Variants in PCDH7 observed in about 807,000 individuals in gnomAD.
PCDH7 encodes protocadherin-7.
A neutral mutation model predicts 58.9 loss-of-function variants in PCDH7; 17 were observed. That is an observed-to-expected ratio of 0.29 (90% CI 0.20 to 0.43). The LOEUF is 0.43. Among genes scored for constraint, PCDH7 ranks in the 20% least tolerant of loss-of-function variants. The pLI, the probability that PCDH7 is intolerant of heterozygous loss-of-function variation, is 1.00. For missense variants in PCDH7, 1,274 were observed against 1,441.0 expected, an observed-to-expected ratio of 0.88 and a Z score of 1.88; for synonymous variants, 664 against 616.4, an observed-to-expected ratio of 1.08 and a Z score of -1.14.
intron 3 of PCDH7, among the ~76,000 whole-genome samples, chr4:31,108,369 T>TAAAAAAAAAAAAAAAAAAAAA (rs71190491): frequency 2.5e-4 from 15 of 60,070 alleles, no homozygotes; most frequent in East Asian, 5.1e-4. Flanking sequence ...CAGCATACAG[T>TAAAAAAAAAAAAAAAAAAAAA]AAAAAAAAAA....
At chr4:30,830,539 C>T (rs12331332) in intron 1 of PCDH7, among the ~76,000 whole-genome samples, 49,351 of 151,684 alleles carry the variant, frequency 0.33, 8,407 homozygotes, top group East Asian at 0.5. Flanking sequence ...CTTTTGCTTT[C>T]CTTCCGTGTC....
intron 3 of PCDH7, among the ~76,000 whole-genome samples, chr4:31,121,714 C>T (rs897935818): frequency 5.3e-5 from 8 of 152,038 alleles, no homozygotes; most frequent in African/African-American, 9.7e-5. Context: ...GAAGAAAACG[C>T]GTCTCTCATA....
intron 3 of PCDH7, chr4:30,987,598 G>A (rs912246457): frequency 1.3e-5 from 2 of 151,998 alleles, no homozygotes; most frequent in Non-Finnish European, 2.9e-5. Context: ...CAGGAGGAAC[G>A]CTTGAATCCA....
At chr4:30,976,999 A>G (rs1750130321) in intron 3 of PCDH7, among the ~76,000 whole-genome samples, 1 of 152,190 alleles carries the variant, frequency 6.6e-6, no homozygotes, top group African/African-American at 2.4e-5. Context: ...GTTTGTAAAT[A>G]GTTGTTTTCA....
chr4:30,975,293 G>A (rs1485862457), intron 3 of PCDH7, among the ~76,000 whole-genome samples: 1 of 151,940 alleles, frequency 6.6e-6, no homozygotes, highest in Admixed American at 6.6e-5. Context: ...GAAAAGCCAT[G>A]AAAAATATTT....
rs775115378 is a variant in PCDH7, at chr4:30,722,694, C to A, written c.1272C>A (p.Pro424=). The change falls in exon 1 of 2, where the codon CCC becomes CCA. Residue 424 remains proline (P), a synonymous_variant. Transcript: ENST00000361762. The surrounding 1 kb of genome is among the most constrained non-coding windows in gnomAD (Gnocchi z 7.6). ...AAATCCGCAAGATTGGGCGCATCCC[C>A]CTCAAGGACGGGGTGGCCAACGTGG... is the stretch of plus-strand genomic sequence containing the variant. 1.4e-5 allele frequency: 23 copies of A among 1,613,518 alleles called. No homozygotes were observed. The highest frequency in any genetic ancestry group is 1.9e-5 in the Non-Finnish European group (22 of 1,180,046).
chr4:30,769,067 A>G (rs992409968), intron 1 of PCDH7, among the ~76,000 whole-genome samples: 2 of 152,246 alleles, frequency 1.3e-5, no homozygotes, highest in Non-Finnish European at 2.9e-5. Context: ...GGTCAAATAA[A>G]TGTTTTCATA....
intron 1 of PCDH7, among the ~76,000 whole-genome samples, chr4:30,875,532 G>A (rs1342850708): frequency 2.6e-5 from 4 of 152,000 alleles, no homozygotes; most frequent in African/African-American, 9.7e-5. Context: ...TACGTAGTCC[G>A]TTTGTGTCAG....
chr4:31,017,919 C>G (rs894338818), intron 3 of PCDH7, among the ~76,000 whole-genome samples: 1 of 151,958 alleles, frequency 6.6e-6, no homozygotes, highest in Non-Finnish European at 1.5e-5. Flanking sequence ...ATAATGATAC[C>G]TATACCCAAT....
At chr4:30,919,202 A>G (rs1172611379) in intron 1 of PCDH7, among the ~76,000 whole-genome samples, 1 of 145,058 alleles carries the variant, frequency 6.9e-6, no homozygotes, top group Non-Finnish European at 1.5e-5. Flanking sequence ...TCAGACTGAC[A>G]TTACAGAACA....
intron 1 of PCDH7, among the ~76,000 whole-genome samples, chr4:30,855,902 C>T (rs1339019123): frequency 6.6e-6 from 1 of 152,090 alleles, no homozygotes; most frequent in Admixed American, 6.6e-5. Context: ...TGGCCATTGC[C>T]ATCAGTAAAA....
At chr4:30,930,767 G>C (rs112674033) in intron 2 of PCDH7, among the ~76,000 whole-genome samples, 59 of 147,428 alleles carry the variant, frequency 4.0e-4, no homozygotes, top group African/African-American at 8.4e-4. Context: ...CCCTGTCTCT[G>C]CAAAAAAAAA....
At chr4:30,929,251 G>A (rs1193580868) in intron 2 of PCDH7, among the ~76,000 whole-genome samples, 3 of 152,108 alleles carry the variant, frequency 2.0e-5, no homozygotes, top group Non-Finnish European at 4.4e-5. Flanking sequence ...TTCTTCTGTG[G>A]CAGTTGCAAA....
chr4:30,785,258 C>A (rs978160396), intron 1 of PCDH7, among the ~76,000 whole-genome samples: 1 of 151,936 alleles, frequency 6.6e-6, no homozygotes, highest in Admixed American at 6.6e-5. Flanking sequence ...TAGTAAATAA[C>A]GCACGATATC....
At chr4:31,089,952 G>A (rs1196113921) in intron 3 of PCDH7, among the ~76,000 whole-genome samples, 2 of 152,022 alleles carry the variant, frequency 1.3e-5, no homozygotes, top group Non-Finnish European at 2.9e-5. Context: ...TTTTTAGAGT[G>A]GCTTGTCAGA....
chr4:30,773,612 G>T (rs563417224), intron 1 of PCDH7, among the ~76,000 whole-genome samples: 2 of 151,906 alleles, frequency 1.3e-5, no homozygotes, highest in Non-Finnish European at 2.9e-5. Flanking sequence ...GAAGTCATCC[G>T]CAACTTCCAC....
At chr4:30,990,363 G>C (rs973494885) in intron 3 of PCDH7, among the ~76,000 whole-genome samples, 1 of 151,852 alleles carries the variant, frequency 6.6e-6, no homozygotes, top group Non-Finnish European at 1.5e-5. Flanking sequence ...AATGTTTTCA[G>C]CATGATAGCA....
At chr4:30,869,571 A>T (rs1735291136) in intron 1 of PCDH7, among the ~76,000 whole-genome samples, 1 of 152,116 alleles carries the variant, frequency 6.6e-6, no homozygotes, top group African/African-American at 2.4e-5. Flanking sequence ...GCTGAGAAGG[A>T]TGGTTTCCAG....
chr4:31,023,040 A>G (rs530981958), intron 3 of PCDH7, among the ~76,000 whole-genome samples: 18 of 152,178 alleles, frequency 1.2e-4, no homozygotes, highest in Non-Finnish European at 2.2e-4. Flanking sequence ...AGGTAAAGGA[A>G]ATGAGAGCGA....
Sources: gnomAD v4.1 joint callset for allele counts (sites outside exome capture counted in the v4.1 genomes callset) on GRCh38, gnomAD v4.1.1 for gene constraint, Gnocchi (gnomAD v3.1) non-coding constraint, MANE v1.5 for transcripts, NCBI Gene and HGNC (gene_info 2026-07-23, HGNC 2026-07-21) for gene names.